ATP8B4: variants seen among roughly 807,000 people sequenced by gnomAD.
The protein encoded by ATP8B4 is ATPase phospholipid transporting 8B4 (putative), also known as probable phospholipid-transporting ATPase IM.
In ATP8B4, 133 loss-of-function variants were observed where a neutral mutation model predicts 145.6. The ratio of observed to expected loss-of-function variants is 0.91; its 90% CI spans 0.79 to 1.05. The LOEUF (loss-of-function observed/expected upper bound fraction) is 1.05. Among genes scored for constraint, ATP8B4 ranks in the 50% least tolerant of loss-of-function variants. The pLI, the probability that ATP8B4 is intolerant of heterozygous loss-of-function variation, is 0.00. For missense variants in ATP8B4, 1,458 were observed against 1,425.2 expected, an observed-to-expected ratio of 1.02 and a Z score of -0.37; for synonymous variants, 507 against 492.9, an observed-to-expected ratio of 1.03 and a Z score of -0.38.
intron 1 of ATP8B4, among the ~76,000 whole-genome samples, chr15:50,107,326 T>C (rs80050689): frequency 0.018 from 2,755 of 152,290 alleles, 84 homozygotes; most frequent in African/African-American, 0.063. Flanking sequence ...GGTTCCAGAA[T>C]CTGCCTTTTA....
At chr15:50,161,982 GTTTGTCT>G (rs2044526630) in intron 1 of ATP8B4, among the ~76,000 whole-genome samples, 2 of 152,106 alleles carry the variant, frequency 1.3e-5, no homozygotes, top group Admixed American at 6.5e-5. Flanking sequence ...CTCAGCATTA[GTTTGTCT>G]TGAAGTCTTT....
chr15:50,057,413 G>A (rs184380754), intron 3 of ATP8B4, among the ~76,000 whole-genome samples: 48 of 152,306 alleles, frequency 3.2e-4, no homozygotes, highest in African/African-American at 1.0e-3. Flanking sequence ...ATGGTGTTTC[G>A]TGAGCAACGA....
At chr15:50,047,527 C>A in intron 3 of ATP8B4, 63 bp from the exon 4 acceptor site, 1 of 990,588 alleles carries the variant, frequency 1.0e-6, no homozygotes, top group Non-Finnish European at 1.6e-6. Flanking sequence ...AGAAATAGCT[C>A]TAAAACCTAC....
chr15:50,174,056 C>G (rs1257258118), intron 1 of ATP8B4, among the ~76,000 whole-genome samples: 1 of 152,170 alleles, frequency 6.6e-6, no homozygotes, highest in Non-Finnish European at 1.5e-5. Context: ...ATGATCATCT[C>G]AATAGATGCA....
intron 20 of ATP8B4, among the ~76,000 whole-genome samples, chr15:49,907,176 C>T (rs2038715168): frequency 6.6e-6 from 1 of 152,132 alleles, no homozygotes; most frequent in South Asian, 2.1e-4. Context: ...CACTGATGAA[C>T]AGTAACAGGT....
rs557327720 is a variant in ATP8B4 at position 50,163,194 on chromosome 15, C to G, written c.-43+19067G>C. ...AGATGCTTGTGGAGTTTGTCAGTGA[C>G]TAGGCATTGAAGAGTTAGGTATTTA... is the stretch of plus-strand genomic sequence containing the variant. On this transcript the variant is annotated intron_variant, in intron 1 of 3. Coordinates refer to the ATP8B4 transcript ENST00000558829. Among the ~76,000 whole-genome samples the G allele has an allele frequency of 3.5e-4, 54 of 152,362 alleles. No homozygotes were observed. The Middle Eastern group carries it at 0.01, about 29-fold the overall frequency.
intron 2 of ATP8B4, among the ~76,000 whole-genome samples, chr15:50,080,970 A>G (rs2054511604): frequency 6.6e-6 from 1 of 152,144 alleles, no homozygotes; most frequent in South Asian, 2.1e-4. Context: ...AAAATTAGCC[A>G]GGCGTGGTGG....
chr15:49,945,258 C>T (rs1205421953), intron 14 of ATP8B4, among the ~76,000 whole-genome samples: 1 of 151,982 alleles, frequency 6.6e-6, no homozygotes, highest in Non-Finnish European at 1.5e-5. Context: ...AGTGGAAACA[C>T]TAGAAAAACA....
chr15:50,127,832 C>T (rs1260899391), intron 1 of ATP8B4, among the ~76,000 whole-genome samples: 2 of 152,170 alleles, frequency 1.3e-5, no homozygotes, highest in African/African-American at 2.4e-5. Flanking sequence ...GGAACAAACA[C>T]CAGTAAGGTC....
chr15:50,126,996 T>C (rs540226918), intron 1 of ATP8B4, among the ~76,000 whole-genome samples: 1 of 152,288 alleles, frequency 6.6e-6, no homozygotes, highest in African/African-American at 2.4e-5. Context: ...GCAGAAGTTA[T>C]ACCTACAGGC....
At chr15:49,986,877 A>T (rs975527610) in intron 10 of ATP8B4, among the ~76,000 whole-genome samples, 1 of 20,540 alleles carries the variant, frequency 4.9e-5, no homozygotes, top group Non-Finnish European at 9.4e-5. Context: ...ACCCACCCCC[A>T]TCATGCACAG....
intron 6 of ATP8B4, among the ~76,000 whole-genome samples, chr15:50,025,477 A>G (rs1031904950): frequency 6.6e-6 from 1 of 152,128 alleles, no homozygotes; most frequent in African/African-American, 2.4e-5. Context: ...ACCTTTGCAC[A>G]TGATTTTCCC....
At chr15:50,123,844 C>T (rs2057289951), upstream of ATP8B4, among the ~76,000 whole-genome samples, 1 of 152,104 alleles carries the variant, frequency 6.6e-6, no homozygotes, top group African/African-American at 2.4e-5. Flanking sequence ...TCTGTCTTCT[C>T]CTCTCTCTAG....
chr15:49,979,853 T>C, intron 11 of ATP8B4, 40 bp from the exon 12 acceptor site: 1 of 1,376,874 alleles, frequency 7.3e-7, no homozygotes, highest in Non-Finnish European at 9.9e-7. Flanking sequence ...TAACTTGAAC[T>C]CAAAATTAGT....
intron 3 of ATP8B4, among the ~76,000 whole-genome samples, chr15:50,060,809 T>C (rs144437208): frequency 4.5e-4 from 69 of 152,298 alleles, no homozygotes; most frequent in Non-Finnish European, 5.7e-4. Flanking sequence ...AGAGTCTGCA[T>C]TTCTAACAAG....
intron 9 of ATP8B4, among the ~76,000 whole-genome samples, chr15:49,994,665 G>T (rs1273998976): frequency 6.6e-6 from 1 of 152,012 alleles, no homozygotes; most frequent in Non-Finnish European, 1.5e-5. Flanking sequence ...GATTGAGAGT[G>T]TAAGGAGTCA....
At chr15:50,007,824 C>A (rs2048425192) in intron 7 of ATP8B4, among the ~76,000 whole-genome samples, 1 of 152,014 alleles carries the variant, frequency 6.6e-6, no homozygotes, top group Non-Finnish European at 1.5e-5. Flanking sequence ...AATTGTCTTG[C>A]CCTTGAAAAT....
chr15:50,093,525 A>G (rs1211781684), intron 2 of ATP8B4, among the ~76,000 whole-genome samples: 3 of 152,082 alleles, frequency 2.0e-5, no homozygotes, highest in Non-Finnish European at 2.9e-5. Flanking sequence ...ATGACTACCA[A>G]GCTAACAGGT....
intron 14 of ATP8B4, among the ~76,000 whole-genome samples, chr15:49,958,755 T>C (rs1445256761): frequency 2.0e-5 from 3 of 151,892 alleles, no homozygotes. Context: ...AAAAATATAA[T>C]TTTCCAAATC....
Sources: allele counts gnomAD v4.1 joint callset (sites outside exome capture counted in the v4.1 genomes callset), GRCh38; gene constraint gnomAD v4.1.1; transcripts MANE v1.5; gene names NCBI Gene and HGNC (gene_info 2026-07-23, HGNC 2026-07-21).